GPHN: variants seen among roughly 807,000 people sequenced by gnomAD.
The protein encoded by GPHN is gephyrin.
GPHN carries 17 observed loss-of-function variants against 95.5 expected under a neutral mutation model. The ratio of observed to expected loss-of-function variants is 0.18; its 90% CI spans 0.12 to 0.27. The LOEUF (loss-of-function observed/expected upper bound fraction) is 0.27. Among genes scored for constraint, GPHN ranks in the 10% least tolerant of loss-of-function variants. GPHN has a pLI of 1.00. For synonymous variants in GPHN, 320 were observed against 322.5 expected (o/e 0.99, Z 0.08); for missense variants, 660 against 978.1 (o/e 0.67, Z 4.34).
chr14:66,770,079 A>C (rs1161986509), intron 2 of GPHN, among the ~76,000 whole-genome samples: 1 of 152,166 alleles, frequency 6.6e-6, no homozygotes, highest in Non-Finnish European at 1.5e-5. Context: ...TCTAATGATC[A>C]GTGATGTTGA....
chr14:67,431,359 T>G, the GPHN span, among the ~76,000 whole-genome samples: 1 of 126,878 alleles, frequency 7.9e-6, no homozygotes, highest in Non-Finnish European at 1.6e-5. Context: ...GCCACTGCAC[T>G]CCAGCCTGGG....
intron 1 of GPHN, among the ~76,000 whole-genome samples, chr14:66,640,400 C>T (rs1455577900): frequency 6.6e-6 from 1 of 152,076 alleles, no homozygotes; most frequent in Admixed American, 6.6e-5. Flanking sequence ...CCAGCCCAGG[C>T]AGCAGAATGA....
intron 1 of GPHN, among the ~76,000 whole-genome samples, chr14:66,626,892 A>G (rs1262724634): frequency 2.0e-5 from 3 of 152,110 alleles, no homozygotes; most frequent in Non-Finnish European, 4.4e-5. Context: ...CCTACAAATT[A>G]TAAAACAGTG....
At chr14:67,532,640 C>G in the GPHN span, among the ~76,000 whole-genome samples, 1 of 152,286 alleles carries the variant, frequency 6.6e-6, no homozygotes, top group African/African-American at 2.4e-5. Context: ...ATCACTTGAG[C>G]TCCGGAGTTC....
chr14:66,902,896 CTCT>C (rs1255115593), intron 5 of GPHN, among the ~76,000 whole-genome samples: 1 of 152,018 alleles, frequency 6.6e-6, no homozygotes, highest in African/African-American at 2.4e-5. Flanking sequence ...GTATTCCCTC[CTCT>C]TCAATTTTTT....
chr14:67,703,418 G>T, the GPHN span, among the ~76,000 whole-genome samples: 1 of 152,100 alleles, frequency 6.6e-6, no homozygotes. Flanking sequence ...AATCGTATAA[G>T]AAAAACAAAA....
chr14:67,398,110 C>A, the GPHN span: 1 of 294,472 alleles, frequency 3.4e-6, no homozygotes, highest in Non-Finnish European at 6.2e-6. Flanking sequence ...TGCTAGGAGA[C>A]AGCCATTGCT....
the GPHN span, chr14:67,203,173 C>A: frequency 6.2e-7 from 1 of 1,613,884 alleles, no homozygotes; most frequent in Admixed American, 1.7e-5. Flanking sequence ...TCCAGCTCCA[C>A]CCACAAGATC....
chr14:67,205,197 T>C, the GPHN span: 1 of 1,136,320 alleles, frequency 8.8e-7, no homozygotes. Flanking sequence ...CTATGGAACC[T>C]ACCTACTCCG....
intron 1 of GPHN, among the ~76,000 whole-genome samples, chr14:66,560,536 CTGTT>C (rs1163444337): frequency 3.9e-5 from 6 of 152,058 alleles, no homozygotes; most frequent in Non-Finnish European, 8.8e-5. Context: ...ATTTGGCTCT[CTGTT>C]TGTCTGTTAT....
chr14:66,818,654 TG>T (rs545863566), intron 3 of GPHN, among the ~76,000 whole-genome samples: 410 of 152,312 alleles, frequency 2.7e-3, no homozygotes, highest in Admixed American at 8.6e-3. Flanking sequence ...TATTTCTGTC[TG>T]TAGGTCTTTG....
chr14:67,179,347 C>T (rs1272248638), intron 21 of GPHN, among the ~76,000 whole-genome samples: 2 of 152,158 alleles, frequency 1.3e-5, no homozygotes, highest in African/African-American at 4.8e-5. Context: ...GATCATGCCA[C>T]TGCACTCCAG....
At chr14:67,076,903 T>G (rs549104425) in intron 11 of GPHN, among the ~76,000 whole-genome samples, 4 of 152,284 alleles carry the variant, frequency 2.6e-5, no homozygotes, top group Non-Finnish European at 5.9e-5. Flanking sequence ...TGACAAGGAA[T>G]CAATTTCCTG....
At position 66,978,075 on chromosome 14, in the gene GPHN, A is replaced by T. The variant is rs532429374; in HGVS notation, c.963+12750A>T. ...ATTAAGTGTGAAAAGGATTATGTCT[A>T]AAAAAACACACTGTGCATACCTTAA... On this transcript the variant is annotated intron_variant, in intron 9 of 22. Coordinates refer to ENST00000478722, the MANE Select transcript of GPHN (RefSeq NM_020806.5). 1.1e-3 allele frequency among the ~76,000 whole-genome samples: 167 copies of T among 152,290 alleles called. 1 individual carries two copies. Among genetic ancestry groups the T allele is most frequent in the African/African-American group, 3.9e-3 (161 of 41,560 alleles).
At chr14:67,431,684 C>G in the GPHN span, among the ~76,000 whole-genome samples, 1 of 151,844 alleles carries the variant, frequency 6.6e-6, no homozygotes, top group African/African-American at 2.4e-5. Context: ...AGAGTGAGAC[C>G]CCAACTCAAC....
chr14:67,296,571 G>T, the GPHN span, among the ~76,000 whole-genome samples: 1 of 108,340 alleles, frequency 9.2e-6, no homozygotes, highest in African/African-American at 3.5e-5. Context: ...GGGCAACAGA[G>T]TGAAACTCTG....
intron 8 of GPHN, among the ~76,000 whole-genome samples, chr14:66,935,404 A>G (rs1245020219): frequency 6.6e-6 from 1 of 151,458 alleles, no homozygotes; most frequent in Non-Finnish European, 1.5e-5. Context: ...TACGGAAAAA[A>G]CAATATTTTT....
At chr14:67,557,220 A>C in the GPHN span, 1 of 1,559,372 alleles carries the variant, frequency 6.4e-7, no homozygotes, top group South Asian at 1.1e-5. Context: ...GCCACTGCAC[A>C]CCCCGTGTGA....
intron 9 of GPHN, among the ~76,000 whole-genome samples, chr14:66,997,755 GA>G (rs1448989495): frequency 2.0e-5 from 3 of 152,120 alleles, no homozygotes; most frequent in African/African-American, 7.2e-5. Context: ...ATAACTGTGA[GA>G]TTTTTTTCTC....
Sources: allele counts gnomAD v4.1 joint callset (sites outside exome capture counted in the v4.1 genomes callset), GRCh38; gene constraint gnomAD v4.1.1; transcripts MANE v1.5; gene names NCBI Gene and HGNC (gene_info 2026-07-23, HGNC 2026-07-21).